YWHAE: variants seen among roughly 807,000 people sequenced by gnomAD.
YWHAE encodes 14-3-3 protein epsilon.
In YWHAE, 4 loss-of-function variants were observed where a neutral mutation model predicts 30.1. The ratio of observed to expected loss-of-function variants is 0.13; its 90% CI spans 0.07 to 0.30. YWHAE has a LOEUF of 0.30. Ranked by LOEUF, YWHAE falls within the 10% of genes least tolerant of loss-of-function variation. The pLI is 1.00. For synonymous variants in YWHAE, 118 were observed against 111.8 expected (o/e 1.06, Z -0.35); for missense variants, 121 against 315.9 (o/e 0.38, Z 4.68).
chr17:1,363,164 G>C (rs569860429), intron 2 of YWHAE, among the ~76,000 whole-genome samples: 3 of 152,124 alleles, frequency 2.0e-5, no homozygotes, highest in African/African-American at 7.2e-5. Context: ...AGTCTGAATT[G>C]CAACACTCCA....
At chr17:1,385,294 G>A (rs1452219888) in intron 1 of YWHAE, among the ~76,000 whole-genome samples, 1 of 152,132 alleles carries the variant, frequency 6.6e-6, no homozygotes, top group Admixed American at 6.6e-5. Context: ...ATTCATTGTT[G>A]AGAAGATGAA....
intron 5 of YWHAE, among the ~76,000 whole-genome samples, chr17:1,353,354 T>C (rs2072669318): frequency 6.8e-6 from 1 of 146,106 alleles, no homozygotes; most frequent in African/African-American, 2.6e-5. Context: ...GGGAGAATGG[T>C]GTAAACCCAG....
chr17:1,353,395 G>A (rs1191598278), intron 5 of YWHAE, among the ~76,000 whole-genome samples: 2 of 137,556 alleles, frequency 1.5e-5, no homozygotes, highest in African/African-American at 5.7e-5. Context: ...CCAAGATCGC[G>A]CCACTGCACT....
chr17:1,369,866 T>C (rs2073004189), intron 1 of YWHAE: 2 of 136,912 alleles, frequency 1.5e-5, no homozygotes, highest in East Asian at 3.8e-4. Context: ...GTCTAAACTG[T>C]ACATAATTTA....
intron 1 of YWHAE, among the ~76,000 whole-genome samples, chr17:1,381,910 C>CAAAAA (rs397754278): frequency 1.3e-3 from 57 of 43,496 alleles, no homozygotes; most frequent in Non-Finnish European, 1.5e-3. Context: ...GACACTATGT[C>CAAAAA]AAAAAAAAAA....
rs368843553 is a variant in YWHAE at position 1,391,806 on chromosome 17, CA to C, written c.64+8240del. On this transcript the variant is annotated intron_variant, in intron 1 of 5. Coordinates refer to ENST00000264335, the MANE Select transcript of YWHAE (RefSeq NM_006761.5). ...ACAACACAGTGGGATCCCGTCTCCA[CA>C]AAAAAAAAGTTTTAATTAGCTGGTC... is the stretch of plus-strand genomic sequence containing the variant. Among the ~76,000 whole-genome samples, 459 of 150,930 alleles carry C rather than the reference CA, an allele frequency of 3.0e-3. 1 individual carries two copies. The highest frequency in any genetic ancestry group is 0.01 in the African/African-American group (432 of 41,158).
At chr17:1,382,125 G>A (rs1001298147) in intron 1 of YWHAE, among the ~76,000 whole-genome samples, 3 of 149,334 alleles carry the variant, frequency 2.0e-5, no homozygotes, top group African/African-American at 4.9e-5. Context: ...CTCGGCTCAC[G>A]GCAACCTCCG....
At chr17:1,395,170 A>C (rs1031171669) in intron 1 of YWHAE, among the ~76,000 whole-genome samples, 1 of 152,114 alleles carries the variant, frequency 6.6e-6, no homozygotes, top group African/African-American at 2.4e-5. Context: ...AGGCAGGCAG[A>C]TCACCTGAGG....
At chr17:1,377,727 C>T (rs1309054445) in intron 1 of YWHAE, among the ~76,000 whole-genome samples, 3 of 152,182 alleles carry the variant, frequency 2.0e-5, no homozygotes, top group African/African-American at 7.2e-5. Flanking sequence ...CATCATCCCT[C>T]TGGATCAAAC....
chr17:1,361,357 A>C, intron 3 of YWHAE, 59 bp from the exon 4 acceptor site: 6 of 1,414,132 alleles, frequency 4.2e-6, no homozygotes, highest in South Asian at 1.3e-5. Context: ...CGATTTTTAA[A>C]GGAAAATAAG....
intron 1 of YWHAE, among the ~76,000 whole-genome samples, chr17:1,387,097 G>C (rs76665877): frequency 0.015 from 2,296 of 152,328 alleles, 49 homozygotes; most frequent in African/African-American, 0.053. Context: ...AATTTTGACT[G>C]CAAAAGCTAC....
intron 1 of YWHAE, among the ~76,000 whole-genome samples, chr17:1,396,946 G>A (rs1041323490): frequency 5.9e-5 from 8 of 136,406 alleles, no homozygotes; most frequent in African/African-American, 2.0e-4. Flanking sequence ...TTGGAGACAA[G>A]AGTCTCGCTC....
chr17:1,399,942 G>C, intron 1 of YWHAE, 105 bp downstream of exon 1: 2 of 1,419,598 alleles, frequency 1.4e-6, no homozygotes. Flanking sequence ...AAGCCCCCGG[G>C]CCAGGCTCGC....
chr17:1,390,133 T>C (rs986427019), intron 1 of YWHAE, among the ~76,000 whole-genome samples: 11 of 152,160 alleles, frequency 7.2e-5, no homozygotes, highest in Admixed American at 6.6e-4. Flanking sequence ...TGTGAGCCAC[T>C]GCACCCAGCC....
chr17:1,367,236 A>T (rs868143035), intron 1 of YWHAE, among the ~76,000 whole-genome samples: 1 of 152,176 alleles, frequency 6.6e-6, no homozygotes, highest in Admixed American at 6.6e-5. Context: ...AAACCCCTCA[A>T]ATGTGCATCC....
At chr17:1,357,683 T>C (rs890962534) in intron 4 of YWHAE, among the ~76,000 whole-genome samples, 1 of 152,034 alleles carries the variant, frequency 6.6e-6, no homozygotes, top group Admixed American at 6.6e-5. Context: ...CTCGGCACTT[T>C]GGGAGGCCGA....
intron 1 of YWHAE, among the ~76,000 whole-genome samples, chr17:1,387,707 C>CT (rs1309518173): frequency 6.6e-6 from 1 of 152,010 alleles, no homozygotes; most frequent in Non-Finnish European, 1.5e-5. Context: ...CTGCAGCTTT[C>CT]TACCTCCCGA....
At chr17:1,351,783 T>G (rs1254542593) in intron 5 of YWHAE, among the ~76,000 whole-genome samples, 2 of 152,064 alleles carry the variant, frequency 1.3e-5, no homozygotes, top group Non-Finnish European at 1.5e-5. Context: ...TTTTGTTTTT[T>G]GTTTTGAGAC....
In YWHAE at chr17:1,386,834, A is replaced by ATTAC. The variant is rs2073307624; in HGVS notation, c.64+13212_64+13213insGTAA. On this transcript the variant is annotated intron_variant, in intron 1 of 5. Transcript: ENST00000264335. ...CCAGGCATGGTGGCAGGTGCCTGTA[A>ATTAC]TCCCAGCTACTCAGGAGGCTGAGGC... Among the ~76,000 whole-genome samples the ATTAC allele has an allele frequency of 2.0e-5, 3 of 152,246 alleles. No homozygotes were observed. In the East Asian group the frequency reaches 5.8e-4, roughly 29 times the overall value.
Sources: allele counts gnomAD v4.1 joint callset (sites outside exome capture counted in the v4.1 genomes callset), GRCh38; gene constraint gnomAD v4.1.1; transcripts MANE v1.5; gene names NCBI Gene and HGNC (gene_info 2026-07-23, HGNC 2026-07-21).